ESR1: variants seen among roughly 807,000 people sequenced by gnomAD.
ESR1 encodes estrogen receptor 1, also known as estrogen receptor.
Under a neutral mutation model 52.7 loss-of-function variants are expected in ESR1, and 12 were observed. The observed-to-expected ratio is 0.23, with a 90% confidence interval of 0.15 to 0.37. The LOEUF (loss-of-function observed/expected upper bound fraction) is 0.37. ESR1 is among the 10% of genes least tolerant of loss of function. The probability of loss-of-function intolerance (pLI) is 1.00; values close to 1 mark genes in which losing one functional copy is unlikely to be tolerated. For synonymous variants in ESR1, 305 were observed against 316.8 expected, an observed-to-expected ratio of 0.96 and a Z score of 0.39; for missense variants, 584 against 779.7, an observed-to-expected ratio of 0.75 and a Z score of 2.99.
intron 4 of ESR1, among the ~76,000 whole-genome samples, chr6:152,005,369 C>G (rs762988040): frequency 1.3e-5 from 2 of 151,786 alleles, no homozygotes; most frequent in Non-Finnish European, 2.9e-5. Flanking sequence ...CCTTTTTATC[C>G]TTTTTATTAG....
chr6:151,880,052 A>G (rs2128330148), intron 2 of ESR1, among the ~76,000 whole-genome samples: 1 of 152,308 alleles, frequency 6.6e-6, no homozygotes, highest in African/African-American at 2.4e-5. Context: ...TTATCTGCTG[A>G]GAAAATATAA....
intron 1 of ESR1, among the ~76,000 whole-genome samples, chr6:151,669,194 A>AGAGAGAG (rs1777958897): frequency 4.9e-5 from 2 of 40,856 alleles, no homozygotes; most frequent in African/African-American, 2.6e-4. Context: ...GAGAGATGGG[A>AGAGAGAG]ATCCAGGGGA....
At chr6:151,949,536 G>T (rs1031840269) in intron 4 of ESR1, among the ~76,000 whole-genome samples, 2 of 152,230 alleles carry the variant, frequency 1.3e-5, no homozygotes, top group African/African-American at 4.8e-5. Context: ...GATGACAGAA[G>T]CCTCTGTTTA....
chr6:152,088,666 T>C (rs1190563646), intron 6 of ESR1, among the ~76,000 whole-genome samples: 1 of 152,178 alleles, frequency 6.6e-6, no homozygotes, highest in African/African-American at 2.4e-5. Context: ...ATGTGAGCCA[T>C]CTCGGGACCC....
rs144735688 is a variant in ESR1 at position 152,025,190 on chromosome 6, G to A, written c.1235+13396G>A. On this transcript the variant is annotated intron_variant, in intron 5 of 7. Coordinates refer to ENST00000206249, the MANE Select transcript of ESR1 (RefSeq NM_000125.4). Reference sequence around the variant, plus strand: ...TTGGTGTCAAATTTGTGCTTTGTGTGTAGTCTTCATCACGCTTTTTTTTTT... The same window carrying A: ...TTGGTGTCAAATTTGTGCTTTGTGTATAGTCTTCATCACGCTTTTTTTTTT... Among the ~76,000 whole-genome samples, 119 of 141,890 alleles carry A rather than the reference G, an allele frequency of 8.4e-4. 2 individuals carry two copies. In the East Asian group the frequency reaches 0.021, roughly 25 times the overall value. 93.1% of individuals were successfully genotyped at this position (141,890 alleles called of 152,430 possible).
chr6:151,887,018 G>A (rs988629700), intron 3 of ESR1, among the ~76,000 whole-genome samples: 1 of 149,072 alleles, frequency 6.7e-6, no homozygotes, highest in Non-Finnish European at 1.5e-5. Flanking sequence ...TCCAGCCTGG[G>A]TGACGGAATG....
At chr6:151,809,943 G>T (rs770703382) in intron 1 of ESR1, among the ~76,000 whole-genome samples, 4 of 151,962 alleles carry the variant, frequency 2.6e-5, no homozygotes, top group Non-Finnish European at 5.9e-5. Context: ...ACTGCTTGAT[G>T]TGAAGGAAGG....
chr6:151,982,128 TA>T (rs1464173392), intron 4 of ESR1, among the ~76,000 whole-genome samples: 1 of 152,336 alleles, frequency 6.6e-6, no homozygotes, highest in Non-Finnish European at 1.5e-5. Flanking sequence ...TTGGTGAAGA[TA>T]TAAAGATGAT....
chr6:151,863,440 CTGTT>C (rs1245182316), intron 2 of ESR1, among the ~76,000 whole-genome samples: 5 of 152,090 alleles, frequency 3.3e-5, no homozygotes, highest in Non-Finnish European at 1.5e-5. Context: ...ATTTGGCTCT[CTGTT>C]TGTCTGTTAT....
chr6:151,700,892 A>C (rs1026710946), intron 1 of ESR1, among the ~76,000 whole-genome samples: 2 of 152,164 alleles, frequency 1.3e-5, no homozygotes, highest in African/African-American at 4.8e-5. Context: ...TTTTTCCAAC[A>C]GCTTAGGCTG....
intron 1 of ESR1, among the ~76,000 whole-genome samples, chr6:151,657,194 T>A (rs947861693): frequency 6.6e-6 from 1 of 152,180 alleles, no homozygotes; most frequent in African/African-American, 2.4e-5. Flanking sequence ...GATAGGCAGT[T>A]GTAGAGAAAT....
chr6:152,085,346 A>C (rs929302804), intron 6 of ESR1, among the ~76,000 whole-genome samples: 1 of 152,188 alleles, frequency 6.6e-6, no homozygotes. Flanking sequence ...ACAAAAAGAA[A>C]AAAAGATGTC....
chr6:152,037,728 G>A (rs1398555855), intron 5 of ESR1, among the ~76,000 whole-genome samples: 1 of 152,156 alleles, frequency 6.6e-6, no homozygotes, highest in African/African-American at 2.4e-5. Context: ...ACCTTACAAA[G>A]CACATCTTTC....
intron 6 of ESR1, among the ~76,000 whole-genome samples, chr6:152,070,342 T>C (rs2048270133): frequency 7.3e-6 from 1 of 137,364 alleles, no homozygotes; most frequent in African/African-American, 3.2e-5. Context: ...TACTAAACTA[T>C]AGTCTAAAAG....
At chr6:151,776,706 C>T (rs574237319) in intron 2 of ESR1, among the ~76,000 whole-genome samples, 3 of 152,038 alleles carry the variant, frequency 2.0e-5, no homozygotes, top group East Asian at 1.9e-4. Context: ...GGCTTGGTGG[C>T]GGGTGCCTGT....
chr6:151,861,801 A>G (rs1788946753), intron 2 of ESR1, among the ~76,000 whole-genome samples: 1 of 152,108 alleles, frequency 6.6e-6, no homozygotes, highest in South Asian at 2.1e-4. Flanking sequence ...CAGCATTAGA[A>G]TAGTTTCAGC....
chr6:151,673,343 G>T (rs191016935), intron 1 of ESR1, among the ~76,000 whole-genome samples: 2 of 152,114 alleles, frequency 1.3e-5, no homozygotes, highest in Non-Finnish European at 2.9e-5. Flanking sequence ...CTGTTTTCAC[G>T]TTTGGACGCT....
intron 6 of ESR1, among the ~76,000 whole-genome samples, chr6:152,074,658 A>G (rs2048591947): frequency 1.3e-5 from 2 of 152,176 alleles, no homozygotes; most frequent in Non-Finnish European, 2.9e-5. Context: ...TTTGAAGGAA[A>G]CTGCCAAACC....
At chr6:151,957,929 C>G (rs896880079) in intron 4 of ESR1, among the ~76,000 whole-genome samples, 2 of 152,202 alleles carry the variant, frequency 1.3e-5, no homozygotes, top group Non-Finnish European at 2.9e-5. Flanking sequence ...ACCTTCGATT[C>G]CCTTATCCTG....
Sources: gnomAD v4.1 joint callset for allele counts (sites outside exome capture counted in the v4.1 genomes callset) on GRCh38, gnomAD v4.1.1 for gene constraint, MANE v1.5 for transcripts, NCBI Gene and HGNC (gene_info 2026-07-23, HGNC 2026-07-21) for gene names.